The following AOPEP variants were observed in gnomAD, a reference collection of about 807,000 sequenced individuals.
AOPEP encodes the protein aminopeptidase O (putative), also known as aminopeptidase O.
In AOPEP, 77 loss-of-function variants were observed where a neutral mutation model predicts 98.1. The ratio of observed to expected loss-of-function variants is 0.78; its 90% CI spans 0.65 to 0.95. The LOEUF is 0.95. Among genes scored for constraint, AOPEP ranks in the 40% least tolerant of loss-of-function variants. AOPEP has a pLI of 0.00. For missense variants in AOPEP, 1,024 were observed against 1,024.7 expected (o/e 1.00, Z 0.01); for synonymous variants, 346 against 365.3 (o/e 0.95, Z 0.60).
chr9:94,794,991 T>C (rs72746526), intron 4 of AOPEP, among the ~76,000 whole-genome samples: 1,803 of 152,304 alleles, frequency 0.012, 20 homozygotes, highest in South Asian at 0.043. Context: ...CTATCCTGAA[T>C]TGATACAGTA....
the AOPEP span, among the ~76,000 whole-genome samples, chr9:95,108,853 A>G: frequency 2.6e-5 from 4 of 151,908 alleles, no homozygotes; most frequent in African/African-American, 9.7e-5. Context: ...TTTTCTCTCC[A>G]TAATGTACTA....
intron 13 of AOPEP, among the ~76,000 whole-genome samples, chr9:95,041,718 G>A (rs954897186): frequency 6.6e-6 from 1 of 152,122 alleles, no homozygotes; most frequent in African/African-American, 2.4e-5. Flanking sequence ...TGATCAAGAC[G>A]CGGTGGCCCC....
Position 94,839,088 on chromosome 9 carries a change from C to CT in AOPEP, c.1364+38101dup, listed in dbSNP as rs35760706. 4.1e-5 allele frequency among the ~76,000 whole-genome samples: 5 copies of CT among 121,222 alleles called. No individual in the cohort carries two copies. The East Asian group carries it at 9.4e-4, about 23-fold the overall frequency. The allele number at this position is 121,222 out of a possible 152,430, so 79.5% of individuals were successfully genotyped here. A position where few individuals can be genotyped will look rare whatever the true frequency, so the allele number is the denominator to read the frequency against. ...ACCACACCCACCTAATTTTTGTATT[C>CT]TTTTTTTTTTTTTTTGAGAGGGAGT... On this transcript the variant is annotated intron_variant, in intron 5 of 16. Coordinates refer to ENST00000375315, the MANE Select transcript of AOPEP (RefSeq NM_001193329.3).
chr9:95,080,257 G>A (rs2069587698), intron 14 of AOPEP, among the ~76,000 whole-genome samples: 2 of 152,230 alleles, frequency 1.3e-5, no homozygotes, highest in South Asian at 4.1e-4. Flanking sequence ...TTACTGCACG[G>A]TGGCTGACGC....
chr9:94,743,834 T>G (rs990610999), intron 1 of AOPEP, among the ~76,000 whole-genome samples: 1 of 152,148 alleles, frequency 6.6e-6, no homozygotes, highest in African/African-American at 2.4e-5. Flanking sequence ...CTCAGTTGAC[T>G]CAAACAGGGA....
chr9:95,042,094 C>T (rs567131975), intron 13 of AOPEP, among the ~76,000 whole-genome samples: 18 of 152,164 alleles, frequency 1.2e-4, no homozygotes, highest in Non-Finnish European at 2.1e-4. Flanking sequence ...GGGCGGATCA[C>T]GAGGTCAGGA....
chr9:95,086,467 T>C, intron 16 of AOPEP: 7 of 985,360 alleles, frequency 7.1e-6, no homozygotes, highest in Non-Finnish European at 8.4e-6. Context: ...AAAGCCTGAG[T>C]ACAGCCTGCT....
At chr9:94,774,571 T>C (rs928952936) in intron 3 of AOPEP, among the ~76,000 whole-genome samples, 18 of 152,154 alleles carry the variant, frequency 1.2e-4, no homozygotes, top group Admixed American at 7.2e-4. Flanking sequence ...GTTAAATATT[T>C]TTAATATGAT....
intron 5 of AOPEP, among the ~76,000 whole-genome samples, chr9:94,864,825 G>C (rs2045524931): frequency 6.6e-6 from 1 of 152,158 alleles, no homozygotes; most frequent in Admixed American, 6.5e-5. Flanking sequence ...GTTGCTGTTA[G>C]AGCCAGATCT....
intron 7 of AOPEP, chr9:94,932,035 A>C: frequency 7.7e-6 from 9 of 1,173,946 alleles, no homozygotes; most frequent in Non-Finnish European, 9.5e-6. Flanking sequence ...CTAGCTGATA[A>C]AGAAGAGAAC....
At chr9:95,055,879 C>A (rs1301470359) in intron 13 of AOPEP, among the ~76,000 whole-genome samples, 4 of 151,778 alleles carry the variant, frequency 2.6e-5, no homozygotes, top group Non-Finnish European at 5.9e-5. Flanking sequence ...ATTTCCCCCA[C>A]CCCCACCGTT....
At chr9:95,091,762 C>T (rs974178149), downstream of AOPEP, among the ~76,000 whole-genome samples, 2 of 152,118 alleles carry the variant, frequency 1.3e-5, no homozygotes, top group East Asian at 1.9e-4. Flanking sequence ...CTGTTCCAGT[C>T]GGATAACTAG....
intron 5 of AOPEP, among the ~76,000 whole-genome samples, chr9:94,873,427 T>C (rs1419340391): frequency 6.7e-6 from 1 of 149,556 alleles, no homozygotes; most frequent in Admixed American, 6.7e-5. Context: ...GTGGTCCTTA[T>C]CTTATTATGT....
chr9:94,959,135 C>T (rs1254259465), intron 9 of AOPEP, among the ~76,000 whole-genome samples: 1 of 152,124 alleles, frequency 6.6e-6, no homozygotes, highest in East Asian at 1.9e-4. Flanking sequence ...GCTCCGCCTC[C>T]TGGGTTCACA....
At chr9:94,780,392 A>T (rs563690101) in intron 3 of AOPEP, among the ~76,000 whole-genome samples, 12 of 152,330 alleles carry the variant, frequency 7.9e-5, no homozygotes, top group African/African-American at 2.4e-4. Flanking sequence ...GGACAGAGTA[A>T]TAAAATAGAT....
intron 1 of AOPEP, among the ~76,000 whole-genome samples, chr9:94,745,989 A>G (rs1381026140): frequency 6.6e-6 from 1 of 152,234 alleles, no homozygotes; most frequent in Non-Finnish European, 1.5e-5. Context: ...CCCACCAACA[A>G]TGTACGACAG....
intron 1 of AOPEP, among the ~76,000 whole-genome samples, chr9:94,756,087 G>C (rs1255470903): frequency 6.6e-6 from 1 of 151,794 alleles, no homozygotes; most frequent in East Asian, 1.9e-4. Flanking sequence ...GTGAAACCCT[G>C]TCTCTACCAA....
At chr9:95,085,118 T>C (rs2070452658) in intron 16 of AOPEP, 3 of 398,846 alleles carry the variant, frequency 7.5e-6, no homozygotes, top group African/African-American at 2.1e-5. Flanking sequence ...CTCCACCTGT[T>C]TGCTAGCATA....
intron 1 of AOPEP, among the ~76,000 whole-genome samples, chr9:94,752,842 G>T (rs1246297535): frequency 6.6e-6 from 1 of 152,130 alleles, no homozygotes; most frequent in Non-Finnish European, 1.5e-5. Context: ...GACTATGGTA[G>T]CAATAATAAC....
Sources: allele counts gnomAD v4.1 joint callset (sites outside exome capture counted in the v4.1 genomes callset), GRCh38; gene constraint gnomAD v4.1.1; transcripts MANE v1.5; gene names NCBI Gene and HGNC (gene_info 2026-07-23, HGNC 2026-07-21).